The following ADGRB3 variants were observed in gnomAD, a reference collection of about 807,000 sequenced individuals.
The protein encoded by ADGRB3 is brain-specific angiogenesis inhibitor 3.
In ADGRB3, 37 loss-of-function variants were observed where a neutral mutation model predicts 193.4. The ratio of observed to expected loss-of-function variants is 0.19; its 90% confidence interval spans 0.15 to 0.25. ADGRB3 has a LOEUF of 0.25. ADGRB3 is among the 10% of genes least tolerant of loss of function. The pLI is 1.00. For synonymous variants in ADGRB3, 690 were observed against 644.2 expected (o/e 1.07, Z -1.08); for missense variants, 1,637 against 1,852.9 (o/e 0.88, Z 2.14).
chr6:69,369,695 CAAAAAAAAA>C (rs913608447), intron 29 of ADGRB3, among the ~76,000 whole-genome samples: 5 of 59,528 alleles, frequency 8.4e-5, no homozygotes, highest in African/African-American at 1.4e-4. Context: ...AAGACCATTT[CAAAAAAAAA>C]AAAAAAAAAA....
chr6:68,852,866 GA>G (rs1271174970), intron 3 of ADGRB3, among the ~76,000 whole-genome samples: 1 of 151,926 alleles, frequency 6.6e-6, no homozygotes, highest in Non-Finnish European at 1.5e-5. Flanking sequence ...GTTTTAAGTA[GA>G]AAATATTGGC....
chr6:68,855,590 T>C (rs558581213), intron 3 of ADGRB3, among the ~76,000 whole-genome samples: 1 of 152,212 alleles, frequency 6.6e-6, no homozygotes, highest in African/African-American at 2.4e-5. Context: ...TTTGCACCAG[T>C]ATTAAACAAA....
Position 69,200,368 on chromosome 6 carries a change from TA to T in ADGRB3, c.2481-32919del, listed in dbSNP as rs376841347. Among the ~76,000 whole-genome samples, 184 of 152,238 alleles carry T rather than the reference TA, an allele frequency of 1.2e-3. 2 individuals carry two copies. The South Asian group carries it at 0.03, about 25-fold the overall frequency. On this transcript the variant is annotated intron_variant, in intron 17 of 31. Transcript: ENST00000370598. ...GATGTGGCAGAGAGAACATTAAGGC[TA>T]AATTTATAATATTAATCTGTTGTCA...
Position 69,361,115 on chromosome 6 carries a change from T to C in ADGRB3, c.3842T>C (p.Val1281Ala). The C allele has an allele frequency of 5.6e-6, 9 of 1,612,972 alleles. No homozygotes were observed. Among genetic ancestry groups the C allele is most frequent in the Non-Finnish European group, 7.6e-6 (9 of 1,179,302 alleles). The change falls in exon 29 of 32, where the codon GTG becomes GCG. Residue 1281 changes from valine (V) to alanine (A), a missense_variant. Val to Ala is a moderately conservative substitution (Grantham distance 64, BLOSUM62 0). This residue lies in a region of ADGRB3 where 368 missense variants were observed against 367.4 expected (regional missense o/e 1.00). Transcript: ENST00000370598. ...KKENSELRRT[V>A]YLCTDDNLRG... ...GAAAATAGTGAATTGCGGAGAACTG[T>C]GTACTTATGTACGGATGATAATTTG...
At chr6:68,802,903 A>C (rs1767338866) in intron 3 of ADGRB3, among the ~76,000 whole-genome samples, 2 of 152,216 alleles carry the variant, frequency 1.3e-5, no homozygotes, top group Admixed American at 1.3e-4. Context: ...TTCTATTTAC[A>C]GAATGGATTT....
At chr6:68,812,270 G>C (rs1018875533) in intron 3 of ADGRB3, among the ~76,000 whole-genome samples, 1 of 152,176 alleles carries the variant, frequency 6.6e-6, no homozygotes, top group South Asian at 2.1e-4. Context: ...AGGTGGTAGA[G>C]AGGTGATGGA....
At chr6:68,754,750 A>AG (rs1766267301) in intron 3 of ADGRB3, among the ~76,000 whole-genome samples, 1 of 148,850 alleles carries the variant, frequency 6.7e-6, no homozygotes, top group Admixed American at 6.8e-5. Context: ...AAAAAAAAAA[A>AG]CAGCATTAGA....
chr6:69,043,477 A>G (rs1010834974), intron 13 of ADGRB3, among the ~76,000 whole-genome samples: 1 of 152,218 alleles, frequency 6.6e-6, no homozygotes, highest in African/African-American at 2.4e-5. Flanking sequence ...TTTTGAATAT[A>G]TAATCTCATG....
chr6:69,142,678 T>A (rs146925900), intron 17 of ADGRB3, among the ~76,000 whole-genome samples: 2 of 152,312 alleles, frequency 1.3e-5, no homozygotes, highest in East Asian at 3.9e-4. Flanking sequence ...ACCCGCTGAT[T>A]AGTCTTGAAC....
Position 69,069,747 on chromosome 6 carries a change from A to AG in ADGRB3, c.2437-6248_2437-6247insG, listed in dbSNP as rs1554257225. Among the ~76,000 whole-genome samples, 427 of 115,446 alleles carry AG rather than the reference A, an allele frequency of 3.7e-3. 3 individuals carry two copies. Among genetic ancestry groups the AG allele is most frequent in the African/African-American group, 8.6e-3 (300 of 34,914 alleles). The allele number at this position is 115,446 out of a possible 152,430, so 75.7% of individuals were successfully genotyped here. A position where few individuals can be genotyped will look rare whatever the true frequency, so the allele number is the denominator to read the frequency against. On this transcript the variant is annotated intron_variant, in intron 16 of 31. Transcript: ENST00000370598. ...CTCTCTCATTAAAAAAAAAAAAAAA[A>AG]AAAGAAAGAAAGAAAAGAAAAAAAT...
intron 3 of ADGRB3, among the ~76,000 whole-genome samples, chr6:68,799,463 T>C (rs1017710618): frequency 7.9e-5 from 12 of 152,222 alleles, no homozygotes; most frequent in Non-Finnish European, 1.8e-4. Context: ...CCAATTTTTT[T>C]AAGTACTGTG....
chr6:68,896,143 A>G (rs1766212819), intron 3 of ADGRB3, among the ~76,000 whole-genome samples: 1 of 152,276 alleles, frequency 6.6e-6, no homozygotes, highest in Non-Finnish European at 1.5e-5. Context: ...GAATTTAGGT[A>G]CAAGTAGTAC....
intron 17 of ADGRB3, among the ~76,000 whole-genome samples, chr6:69,193,802 G>A (rs1282606298): frequency 3.9e-5 from 6 of 151,910 alleles, no homozygotes. Context: ...GAAATATTAT[G>A]TGAACTATAA....
chr6:68,787,688 TC>T, intron 3 of ADGRB3, among the ~76,000 whole-genome samples: 1 of 152,206 alleles, frequency 6.6e-6, no homozygotes, highest in African/African-American at 2.4e-5. Flanking sequence ...TAGGGAGGAT[TC>T]CCTCTTTTTC....
At chr6:69,009,557 G>T (rs1769871458) in intron 11 of ADGRB3, among the ~76,000 whole-genome samples, 2 of 152,124 alleles carry the variant, frequency 1.3e-5, no homozygotes, top group South Asian at 2.1e-4. Context: ...ACAGGAAGTG[G>T]CTGGATCACA....
chr6:69,233,556 T>C (rs2127257412), intron 18 of ADGRB3, 140 bp downstream of exon 18: 1 of 1,078,320 alleles, frequency 9.3e-7, no homozygotes, highest in South Asian at 1.5e-5. Context: ...TCCTTAGCTA[T>C]AGTAGCTTGG....
intron 13 of ADGRB3, among the ~76,000 whole-genome samples, chr6:69,033,963 T>C (rs1770790422): frequency 6.6e-6 from 1 of 152,136 alleles, no homozygotes; most frequent in Non-Finnish European, 1.5e-5. Flanking sequence ...GTGATTTATA[T>C]TGGATAATAG....
At chr6:69,373,684 T>G (rs1260456737) in intron 30 of ADGRB3, among the ~76,000 whole-genome samples, 9 of 152,174 alleles carry the variant, frequency 5.9e-5, no homozygotes, top group Non-Finnish European at 1.2e-4. Flanking sequence ...AGATATTTTA[T>G]AGCTTTTTAA....
intron 29 of ADGRB3, among the ~76,000 whole-genome samples, chr6:69,363,194 A>G (rs1769489614): frequency 6.6e-6 from 1 of 151,950 alleles, no homozygotes; most frequent in African/African-American, 2.4e-5. Flanking sequence ...AGTGTATTAT[A>G]TATAACTGTG....
Sources: allele counts gnomAD v4.1 joint callset (sites outside exome capture counted in the v4.1 genomes callset), GRCh38; gene constraint gnomAD v4.1.1; regional missense constraint gnomAD v4.1.1; transcripts MANE v1.5; gene names NCBI Gene and HGNC (gene_info 2026-07-23, HGNC 2026-07-21).